UTRN: variants seen among roughly 807,000 people sequenced by gnomAD.
The protein encoded by UTRN is utrophin, also known as dystrophin-related protein 1.
In UTRN, 283 loss-of-function variants were observed where a neutral mutation model predicts 463.9. The observed-to-expected ratio is 0.61, with a 90% CI of 0.55 to 0.67. UTRN has a LOEUF of 0.67. Among genes scored for constraint, UTRN ranks in the 30% least tolerant of loss-of-function variants. The pLI, the probability that UTRN is intolerant of heterozygous loss-of-function variation, is 0.00. For synonymous variants in UTRN, 1,442 were observed against 1,431.5 expected (o/e 1.01, Z -0.17); for missense variants, 3,922 against 4,084.3 (o/e 0.96, Z 1.08).
chr6:144,528,943 G>A (rs1796794710), intron 41 of UTRN, among the ~76,000 whole-genome samples: 1 of 152,238 alleles, frequency 6.6e-6, no homozygotes. Context: ...TAGGTGCTGA[G>A]TCAGACTCTC....
intron 6 of UTRN, among the ~76,000 whole-genome samples, chr6:144,425,825 A>G (rs1481394238): frequency 6.6e-6 from 1 of 152,224 alleles, no homozygotes; most frequent in Non-Finnish European, 1.5e-5. Flanking sequence ...AATTTAGAAT[A>G]ATACTATAAA....
chr6:144,330,956 G>A, intron 2 of UTRN: 3 of 985,370 alleles, frequency 3.0e-6, no homozygotes, highest in Non-Finnish European at 3.6e-6. Context: ...GACACGCTGA[G>A]CCGACGAGAA....
chr6:144,682,894 T>G (rs1782356445), intron 52 of UTRN, among the ~76,000 whole-genome samples: 1 of 152,202 alleles, frequency 6.6e-6, no homozygotes, highest in African/African-American at 2.4e-5. Context: ...TTATTCTCAT[T>G]GATTACCTCT....
Position 144,298,528 on chromosome 6 carries a change from A to C in UTRN, c.79+6621A>C, listed in dbSNP as rs542737643. On this transcript the variant is annotated intron_variant, in intron 2 of 74. Transcript: ENST00000367545. ...GTCTGTGTATGCGCATCTGGCAGCT[A>C]AGATTAAGGTTTACAGTGGTATAAC... Among the ~76,000 whole-genome samples, 7 of 152,334 alleles carry C rather than the reference A, an allele frequency of 4.6e-5. No individual in the cohort carries two copies. The South Asian group carries it at 1.2e-3, about 27-fold the overall frequency.
In UTRN at chr6:144,482,366, G is replaced by C. The variant is rs769004303; in HGVS notation, c.3665G>C (p.Arg1222Pro). The C allele has an allele frequency of 2.5e-6, 4 of 1,596,088 alleles. No homozygotes were observed. In the Admixed American group the frequency reaches 7.2e-5, roughly 29 times the overall value. Residue 1222 changes from arginine to proline, a missense_variant, in exon 27 of 75, where the codon CGA (arginine) becomes CCA (proline). Transcript: ENST00000367545. ...ENYQLLCNRI[R>P]GKCHTLEEVW... The stretch of plus-strand genomic sequence containing the variant: ...TACCAACTTCTTTGTAATAGAATTC[G>C]AGGAAAGTGCCACACGCTAGAGGTA...
intron 2 of UTRN, among the ~76,000 whole-genome samples, chr6:144,358,277 G>A (rs901026172): frequency 3.3e-5 from 5 of 152,104 alleles, no homozygotes; most frequent in African/African-American, 1.2e-4. Context: ...CTATGTGACA[G>A]TCTAAATTAT....
Position 144,499,378 on chromosome 6 carries a change from C to T in UTRN, c.4715C>T (p.Thr1572Ile). ...ATETELVQKS[T>I]SEGLLGDLDT... ...GAAACTGAATTGGTACAGAAGTCCA[C>T]TTCAGAAGGTCTGCTTGGTGACTTG... The change falls in exon 34 of 75, where the codon ACT becomes ATT. Residue 1572 changes from threonine (T) to isoleucine (I), a missense_variant. Thr to Ile is a moderately conservative substitution (Grantham distance 89). Coordinates refer to ENST00000367545, the MANE Select transcript of UTRN (RefSeq NM_007124.3). The T allele has an allele frequency of 6.2e-7, 1 of 1,612,280 alleles. No homozygotes were observed.
At chr6:144,826,228 T>C (rs1780171840) in intron 66 of UTRN, among the ~76,000 whole-genome samples, 1 of 151,944 alleles carries the variant, frequency 6.6e-6, no homozygotes, top group Non-Finnish European at 1.5e-5. Flanking sequence ...TCTTAGTTTT[T>C]CATCCCAATA....
intron 60 of UTRN, among the ~76,000 whole-genome samples, chr6:144,775,826 G>A (rs1054492748): frequency 2.0e-4 from 31 of 152,018 alleles, no homozygotes; most frequent in African/African-American, 7.5e-4. Flanking sequence ...AACACATTTG[G>A]TGTTTTCTTC....
intron 2 of UTRN, among the ~76,000 whole-genome samples, chr6:144,305,603 G>A (rs1805660615): frequency 6.6e-6 from 1 of 152,234 alleles, no homozygotes; most frequent in Non-Finnish European, 1.5e-5. Context: ...AGGGAAGAAG[G>A]ACTGGGCCAG....
Position 144,730,443 on chromosome 6 carries a change from T to G in UTRN, c.7896T>G (p.Ile2632Met). Reference sequence around the variant, plus strand: ...GAGTTTTCTTGGCTGATCAGCCAATTGAGGCCCCTGAAGAGCCAAGAAGAA... The same window carrying G: ...GAGTTTTCTTGGCTGATCAGCCAATGGAGGCCCCTGAAGAGCCAAGAAGAA... ...QARVFLADQP[I>M]EAPEEPRRNL... is the part of the protein sequence containing the mutation. The change falls in exon 54 of 75, where the codon ATT (isoleucine) becomes ATG (methionine). Residue 2632 changes from isoleucine to methionine, a missense_variant. Physicochemically the swap from Ile to Met is conservative, Grantham distance 10. Transcript: ENST00000367545. The G allele has an allele frequency of 6.2e-7, 1 of 1,611,296 alleles. No homozygotes were observed. The highest frequency in any genetic ancestry group is 8.5e-7 in the Non-Finnish European group (1 of 1,178,542).
At chr6:144,554,290 C>G (rs945804177) in intron 48 of UTRN, among the ~76,000 whole-genome samples, 2 of 152,204 alleles carry the variant, frequency 1.3e-5, no homozygotes, top group Non-Finnish European at 2.9e-5. Flanking sequence ...TAACAGGTGA[C>G]TATCTCTCTG....
At chr6:144,415,643 C>G (rs1354320595) in intron 3 of UTRN, among the ~76,000 whole-genome samples, 2 of 152,112 alleles carry the variant, frequency 1.3e-5, no homozygotes, top group South Asian at 4.1e-4. Context: ...GGGACCAGAT[C>G]TCACAAGATT....
At chr6:144,479,773 A>C (rs780267383) in intron 25 of UTRN, 39 bp from the exon 26 acceptor site, 3 of 1,587,800 alleles carry the variant, frequency 1.9e-6, no homozygotes, top group South Asian at 2.3e-5. Context: ...TGAACACATT[A>C]ACATTTGTTT....
intron 53 of UTRN, among the ~76,000 whole-genome samples, chr6:144,727,846 T>C (rs1788055798): frequency 6.6e-6 from 1 of 151,838 alleles, no homozygotes; most frequent in South Asian, 2.1e-4. Context: ...ATCCCAGCAC[T>C]TGGGAGGCCA....
At chr6:144,422,771 T>C (rs956374049) in intron 4 of UTRN, among the ~76,000 whole-genome samples, 2 of 152,242 alleles carry the variant, frequency 1.3e-5, no homozygotes, top group African/African-American at 4.8e-5. Flanking sequence ...ATAAAGAGGA[T>C]GCATGTATGG....
chr6:144,442,465 C>T (rs1269429824), intron 13 of UTRN, among the ~76,000 whole-genome samples: 1 of 152,146 alleles, frequency 6.6e-6, no homozygotes, highest in African/African-American at 2.4e-5. Context: ...TATATTAGTC[C>T]ATTTTCATGC....
At chr6:144,339,839 T>C (rs2114627068) in intron 2 of UTRN, among the ~76,000 whole-genome samples, 3 of 152,330 alleles carry the variant, frequency 2.0e-5, no homozygotes, top group African/African-American at 7.2e-5. Context: ...TATTCTGATC[T>C]GAGAAAAATG....
At chr6:144,799,529 C>G (rs1190792283) in intron 64 of UTRN, 3 of 471,026 alleles carry the variant, frequency 6.4e-6, no homozygotes, top group Non-Finnish European at 1.3e-5. Flanking sequence ...TTTGGAGTAT[C>G]TGGTAGACAT....
Sources: gnomAD v4.1 joint callset for allele counts (sites outside exome capture counted in the v4.1 genomes callset) on GRCh38, gnomAD v4.1.1 for gene constraint, MANE v1.5 for transcripts, NCBI Gene and HGNC (gene_info 2026-07-23, HGNC 2026-07-21) for gene names.